Variants in DNM3 observed in about 807,000 individuals in gnomAD.
DNM3 encodes dynamin 3, also known as dynamin-3.
A neutral mutation model predicts 101.6 loss-of-function variants in DNM3; 47 were observed. The ratio of observed to expected loss-of-function variants is 0.46; its 90% CI spans 0.37 to 0.59. The LOEUF is 0.59. Ranked by LOEUF, DNM3 falls within the 20% of genes least tolerant of loss-of-function variation. The pLI, the probability that DNM3 is intolerant of heterozygous loss-of-function variation, is 0.00. For missense variants in DNM3, 849 were observed against 1,085.7 expected (o/e 0.78, Z 3.06); for synonymous variants, 385 against 387.9 (o/e 0.99, Z 0.09).
intron 11 of DNM3, among the ~76,000 whole-genome samples, chr1:172,080,640 G>C (rs2053063352): frequency 6.6e-6 from 1 of 152,176 alleles, no homozygotes; most frequent in South Asian, 2.1e-4. Context: ...GAACGGTTCT[G>C]TCTTGCTGGC....
At chr1:172,314,552 A>G (rs374911653) in intron 16 of DNM3, among the ~76,000 whole-genome samples, 2 of 152,174 alleles carry the variant, frequency 1.3e-5, no homozygotes, top group Non-Finnish European at 2.9e-5. Context: ...TGCTTTTCTG[A>G]CGGGCTTAGG....
intron 10 of DNM3, among the ~76,000 whole-genome samples, chr1:172,065,769 T>A (rs866140723): frequency 9.9e-5 from 15 of 152,190 alleles, no homozygotes; most frequent in African/African-American, 3.4e-4. Context: ...GGTTTTATGA[T>A]GTTATGAACA....
chr1:171,897,891 G>A (rs984705470), intron 1 of DNM3, among the ~76,000 whole-genome samples: 12 of 151,620 alleles, frequency 7.9e-5, no homozygotes, highest in African/African-American at 2.7e-4. Context: ...CTATCAAAAA[G>A]GACTAATCAA....
intron 4 of DNM3, among the ~76,000 whole-genome samples, chr1:172,030,083 G>A (rs10910939): frequency 6.6e-6 from 1 of 151,846 alleles, no homozygotes; most frequent in Admixed American, 6.6e-5. Context: ...AAACCAAAAA[G>A]AGCCCATGTA....
intron 2 of DNM3, among the ~76,000 whole-genome samples, chr1:171,971,793 C>A (rs1252033201): frequency 6.6e-6 from 1 of 152,136 alleles, no homozygotes; most frequent in Non-Finnish European, 1.5e-5. Context: ...ATAATATTTT[C>A]ATGGTATTAA....
chr1:171,924,523 C>T (rs1376597187), intron 2 of DNM3, among the ~76,000 whole-genome samples: 1 of 152,174 alleles, frequency 6.6e-6, no homozygotes, highest in African/African-American at 2.4e-5. Context: ...AAGGCACCTT[C>T]TTCACAAGGT....
chr1:171,894,246 C>T (rs564343558), intron 1 of DNM3, among the ~76,000 whole-genome samples: 22 of 152,320 alleles, frequency 1.4e-4, no homozygotes, highest in African/African-American at 5.3e-4. Context: ...GCACGAGCCA[C>T]CACACCTGGC....
intron 1 of DNM3, among the ~76,000 whole-genome samples, chr1:171,896,984 G>T (rs2037868067): frequency 6.6e-6 from 1 of 152,106 alleles, no homozygotes; most frequent in Non-Finnish European, 1.5e-5. Flanking sequence ...TTTTCTGAAA[G>T]ATTTAAGTCT....
intron 17 of DNM3, among the ~76,000 whole-genome samples, chr1:172,333,838 T>A (rs2066299924): frequency 6.6e-6 from 1 of 152,200 alleles, no homozygotes; most frequent in South Asian, 2.1e-4. Context: ...CAGCTTTGCA[T>A]AATGACAACA....
chr1:172,250,660 G>A, intron 14 of DNM3, among the ~76,000 whole-genome samples: 1 of 152,004 alleles, frequency 6.6e-6, no homozygotes, highest in African/African-American at 2.4e-5. Flanking sequence ...CTTCAAACAC[G>A]ATGTGACAAA....
At chr1:172,113,951 G>C (rs2055701446) in intron 13 of DNM3, among the ~76,000 whole-genome samples, 1 of 152,102 alleles carries the variant, frequency 6.6e-6, no homozygotes, top group South Asian at 2.1e-4. Flanking sequence ...AATTTCCTAT[G>C]TATTGAATCG....
intron 14 of DNM3, among the ~76,000 whole-genome samples, chr1:172,222,237 T>C (rs2060934556): frequency 6.6e-6 from 1 of 152,192 alleles, no homozygotes; most frequent in African/African-American, 2.4e-5. Flanking sequence ...CTACCTAAAC[T>C]ATGGTATTCA....
chr1:172,385,390 T>A (rs1330545141), intron 18 of DNM3, among the ~76,000 whole-genome samples: 2 of 152,234 alleles, frequency 1.3e-5, no homozygotes, highest in East Asian at 1.9e-4. Context: ...ACACTTTTCC[T>A]TGGCATTCAA....
chr1:171,842,497 C>A (rs1018244197), intron 1 of DNM3, among the ~76,000 whole-genome samples: 8 of 152,200 alleles, frequency 5.3e-5, no homozygotes, highest in African/African-American at 9.6e-5. Context: ...TGCGTGTGCA[C>A]CTATTCACAG....
intron 4 of DNM3, among the ~76,000 whole-genome samples, chr1:172,018,558 C>A (rs2047606936): frequency 6.6e-6 from 1 of 152,086 alleles, no homozygotes; most frequent in Non-Finnish European, 1.5e-5. Context: ...GTGTGATGTC[C>A]CAATTACAAC....
intron 14 of DNM3, among the ~76,000 whole-genome samples, chr1:172,158,827 T>A (rs1267869803): frequency 6.6e-6 from 1 of 152,074 alleles, no homozygotes; most frequent in Non-Finnish European, 1.5e-5. Context: ...AATAAAAGAT[T>A]CCCTAATACT....
intron 2 of DNM3, among the ~76,000 whole-genome samples, chr1:171,972,872 C>CAAA (rs796724111): frequency 1.4e-5 from 2 of 146,164 alleles, no homozygotes; most frequent in Non-Finnish European, 3.0e-5. Context: ...AAAACAAAAA[C>CAAA]AACAACAACA....
At chr1:171,873,671 G>A (rs12140603) in intron 1 of DNM3, among the ~76,000 whole-genome samples, 13,656 of 152,138 alleles carry the variant, frequency 0.09, 785 homozygotes, top group South Asian at 0.23. Context: ...GTTTCAAATG[G>A]CAAGATAAAT....
chr1:171,978,337 A>G (rs1249174318), intron 2 of DNM3, among the ~76,000 whole-genome samples: 1 of 152,222 alleles, frequency 6.6e-6, no homozygotes, highest in Non-Finnish European at 1.5e-5. Flanking sequence ...GATATTTTGG[A>G]TGAGGAAATG....
Sources: allele counts gnomAD v4.1 joint callset (sites outside exome capture counted in the v4.1 genomes callset), GRCh38; gene constraint gnomAD v4.1.1; transcripts MANE v1.5; gene names NCBI Gene and HGNC (gene_info 2026-07-23, HGNC 2026-07-21).